The following ITPR1 variants were observed in gnomAD, a reference collection of about 807,000 sequenced individuals.
ITPR1 encodes the protein inositol 1,4,5-trisphosphate receptor type 1, also known as inositol 1,4,5-trisphosphate-gated calcium channel ITPR1.
ITPR1 carries 96 observed loss-of-function variants against 318.4 expected under a neutral mutation model. That is an observed-to-expected ratio of 0.30 (90% CI 0.26 to 0.36). ITPR1 has a LOEUF of 0.36. Among genes scored for constraint, ITPR1 ranks in the 10% least tolerant of loss-of-function variants. The pLI, the probability that ITPR1 is intolerant of heterozygous loss-of-function variation, is 1.00. For synonymous variants in ITPR1, 1,312 were observed against 1,289.9 expected (o/e 1.02, Z -0.37); for missense variants, 2,440 against 3,460.2 (o/e 0.71, Z 7.40).
intron 44 of ITPR1, among the ~76,000 whole-genome samples, chr3:4,736,820 G>C (rs566552355): frequency 6.6e-6 from 1 of 152,208 alleles, no homozygotes; most frequent in Non-Finnish European, 1.5e-5. Flanking sequence ...CCTGTGATTA[G>C]AGCAGTTGAA....
chr3:4,551,766 A>T (rs1326721240), intron 4 of ITPR1, among the ~76,000 whole-genome samples: 1 of 152,196 alleles, frequency 6.6e-6, no homozygotes, highest in Non-Finnish European at 1.5e-5. Context: ...CACATGAAGA[A>T]TCTGAAATCA....
At chr3:4,518,999 G>A (rs994564451) in intron 3 of ITPR1, among the ~76,000 whole-genome samples, 6 of 152,124 alleles carry the variant, frequency 3.9e-5, no homozygotes, top group South Asian at 2.1e-4. Flanking sequence ...GAGTCCTGGC[G>A]TCAGTATATT....
At chr3:4,777,480 G>A in intron 48 of ITPR1, 106 bp downstream of exon 48, 1 of 693,902 alleles carries the variant, frequency 1.4e-6, no homozygotes, top group Non-Finnish European at 2.5e-6. Flanking sequence ...AAATATTAAA[G>A]ATAGTTCTTT....
intron 4 of ITPR1, among the ~76,000 whole-genome samples, chr3:4,626,769 C>T (rs1446520810): frequency 6.6e-6 from 1 of 152,166 alleles, no homozygotes. Context: ...ATCTTGCACA[C>T]AGTACTCAAG....
rs1333570492 is a variant in ITPR1 at position 4,711,808 on chromosome 3, C to T, written c.5043C>T (p.Cys1681=). ...TAGAAGAAAATGAAGAGAAGCTCTG[C>T]ATTAAGGTCCTACAGACCCTGAGGG... ...QLLEENEEKL[C]IKVLQTLREM... Residue 1681 remains cysteine, a synonymous_variant, in exon 39 of 62, where the codon TGC becomes TGT. Coordinates refer to ENST00000649015, the MANE Select transcript of ITPR1 (RefSeq NM_001378452.1). 3.9e-6 allele frequency: 6 copies of T among 1,553,586 alleles called. No homozygotes were observed. Among genetic ancestry groups the T allele is most frequent in the Non-Finnish European group, 4.4e-6 (5 of 1,147,512 alleles).
At chr3:4,767,974 G>A (rs140577420) in intron 45 of ITPR1, among the ~76,000 whole-genome samples, 18 of 152,306 alleles carry the variant, frequency 1.2e-4, no homozygotes, top group Non-Finnish European at 2.4e-4. Flanking sequence ...GCCAGCATTC[G>A]AACCCAGCGT....
chr3:4,667,473 A>C lies in ITPR1; in HGVS notation c.1810A>C (p.Lys604Gln). 1.2e-6 allele frequency: 2 copies of C among 1,613,842 alleles called. No individual in the cohort carries two copies. Among genetic ancestry groups the C allele is most frequent in the Non-Finnish European group, 8.5e-7 (1 of 1,179,820 alleles). Residue 604 changes from lysine to glutamine, a missense_variant, in exon 18 of 62, where the codon AAA becomes CAA. By Grantham distance (53) the Lys-to-Gln change is moderately conservative. This residue lies in a region of ITPR1 where 478 missense variants were observed against 696.3 expected (regional missense o/e 0.69). Transcript: ENST00000649015. Reference protein sequence around the residue: ...TITALLHNNRKLLEKHITAAE... With the variant: ...TITALLHNNRQLLEKHITAAE... Reference sequence around the variant, plus strand: ...CACTGCCCTGCTCCACAATAATCGGAAACTCCTGGAAAAACACATTACCGC... The same window carrying C: ...CACTGCCCTGCTCCACAATAATCGGCAACTCCTGGAAAAACACATTACCGC...
In ITPR1 at chr3:4,777,286, C is replaced by T; in HGVS notation, c.6203C>T (p.Ser2068Phe). The change falls in exon 48 of 62, where the codon TCC becomes TTC. Residue 2068 changes from serine to phenylalanine, a missense_variant. Ser to Phe is a radical substitution (Grantham distance 155). This residue lies in a region of ITPR1 where 76 missense variants were observed against 162.1 expected (regional missense o/e 0.47). Transcript: ENST00000649015. ...ENQNCIATHESNGIDIITALI... is the reference protein window; with the variant it reads ...ENQNCIATHEFNGIDIITALI... ...CAGAACTGCATAGCCACCCATGAAT[C>T]CAATGGCATTGACATCATCACAGCC... 2 of 1,603,908 alleles carry T rather than the reference C, an allele frequency of 1.2e-6. No individual in the cohort carries two copies. The highest frequency in any genetic ancestry group is 1.7e-6 in the Non-Finnish European group (2 of 1,174,458).
At chr3:4,814,748 CA>C in intron 58 of ITPR1, 186 bp downstream of exon 58, 1 of 633,692 alleles carries the variant, frequency 1.6e-6, no homozygotes, top group Non-Finnish European at 2.7e-6. Flanking sequence ...GCCGCAAAGT[CA>C]GCTGCGTGGA....
intron 4 of ITPR1, among the ~76,000 whole-genome samples, chr3:4,572,790 G>A (rs2088164759): frequency 6.6e-6 from 1 of 152,132 alleles, no homozygotes; most frequent in Admixed American, 6.5e-5. Context: ...ACATTCTGGT[G>A]TCTATGAATT....
chr3:4,517,042 T>C (rs2082220691), intron 3 of ITPR1, among the ~76,000 whole-genome samples: 1 of 152,250 alleles, frequency 6.6e-6, no homozygotes, highest in African/African-American at 2.4e-5. Flanking sequence ...AAGCAGACAT[T>C]TCCTATTTTA....
At chr3:4,688,208 G>C (rs2094427447) in intron 30 of ITPR1, among the ~76,000 whole-genome samples, 1 of 152,136 alleles carries the variant, frequency 6.6e-6, no homozygotes, top group African/African-American at 2.4e-5. Context: ...GAAGTAGGGG[G>C]TTCAGAAGTT....
In ITPR1 at chr3:4,814,553, G is replaced by A. The variant is rs779290814; in HGVS notation, c.7692G>A (p.Pro2564=). Reference sequence around the variant, plus strand: ...GAGTAGGAGATGTACTCAGGAAGCCGTCCAAAGAGGTAAATTAATCCCGAG... The same window carrying A: ...GAGTAGGAGATGTACTCAGGAAGCCATCCAAAGAGGTAAATTAATCCCGAG... ...GGGVGDVLRK[P]SKEEPLFAAR... is the part of the protein sequence containing the mutation. Residue 2564 remains proline (P), a synonymous_variant, in exon 58 of 62, where the codon CCG becomes CCA. Coordinates refer to ENST00000649015, the MANE Select transcript of ITPR1 (RefSeq NM_001378452.1). 29 of 1,540,438 alleles carry A rather than the reference G, an allele frequency of 1.9e-5. No homozygotes were observed. The highest frequency in any genetic ancestry group is 4.4e-5 in the South Asian group (4 of 89,998).
rs770093543 is a variant in ITPR1 at position 4,673,280 on chromosome 3, C to T, written c.2349C>T (p.Cys783=). ...CCTATGACCTCAGGGCGTCCTTCTG[C>T]CGCCTCATGCTTCACATGCATGTGG... The part of the protein sequence containing the change: ...NLPYDLRASF[C]RLMLHMHVDR... The change falls in exon 21 of 62, where the codon TGC becomes TGT. Residue 783 remains cysteine, a synonymous_variant. Coordinates refer to ENST00000649015, the MANE Select transcript of ITPR1 (RefSeq NM_001378452.1). The T allele has an allele frequency of 8.1e-6, 13 of 1,613,838 alleles. No individual in the cohort carries two copies. In the African/African-American group the frequency reaches 1.5e-4, roughly 18 times the overall value.
At chr3:4,832,999 T>G (rs1000975610) in intron 60 of ITPR1, among the ~76,000 whole-genome samples, 1 of 152,246 alleles carries the variant, frequency 6.6e-6, no homozygotes, top group African/African-American at 2.4e-5. Flanking sequence ...CGAAGAACTA[T>G]GCATTGAGAC....
chr3:4,773,286 G>A (rs2046301876), intron 46 of ITPR1, among the ~76,000 whole-genome samples: 2 of 152,238 alleles, frequency 1.3e-5, no homozygotes, highest in Admixed American at 1.3e-4. Context: ...CCTGGTGGGA[G>A]CCTGGAGGCC....
At chr3:4,639,084 T>G (rs2093274989) in intron 5 of ITPR1, among the ~76,000 whole-genome samples, 1 of 151,948 alleles carries the variant, frequency 6.6e-6, no homozygotes, top group Non-Finnish European at 1.5e-5. Flanking sequence ...TCCCCGACCC[T>G]ATTTTCTTTG....
At chr3:4,825,170 TTC>T (rs2049992592) in intron 60 of ITPR1, among the ~76,000 whole-genome samples, 1 of 152,216 alleles carries the variant, frequency 6.6e-6, no homozygotes, top group Admixed American at 6.5e-5. Flanking sequence ...CCTCCCTACT[TTC>T]TCTCTTTGCC....
chr3:4,835,718 T>G, intron 60 of ITPR1, among the ~76,000 whole-genome samples: 1 of 152,208 alleles, frequency 6.6e-6, no homozygotes, highest in Non-Finnish European at 1.5e-5. Flanking sequence ...TTTCTTACTG[T>G]TCATTCCTGC....
Sources: allele counts gnomAD v4.1 joint callset (sites outside exome capture counted in the v4.1 genomes callset), GRCh38; gene constraint gnomAD v4.1.1; regional missense constraint gnomAD v4.1.1; transcripts MANE v1.5; gene names NCBI Gene and HGNC (gene_info 2026-07-23, HGNC 2026-07-21).